The following ADCY9 variants were observed in gnomAD, a reference collection of about 807,000 sequenced individuals.
The protein encoded by ADCY9 is adenylate cyclase 9.
In ADCY9, 50 loss-of-function variants were observed where a neutral mutation model predicts 101.5. That is an observed-to-expected ratio of 0.49 (90% CI 0.39 to 0.62). The LOEUF (loss-of-function observed/expected upper bound fraction) is 0.62, where lower values mean the gene tolerates loss of function less well. ADCY9 is among the 20% of genes least tolerant of loss of function. The probability of loss-of-function intolerance (pLI) is 0.00; values close to 1 mark genes in which losing one functional copy is unlikely to be tolerated. For missense variants in ADCY9, 1,662 were observed against 1,800.4 expected (o/e 0.92, Z 1.39); for synonymous variants, 905 against 769.3 (o/e 1.18, Z -2.92).
At chr16:4,100,524 T>A (rs1043312227) in intron 2 of ADCY9, among the ~76,000 whole-genome samples, 8 of 151,214 alleles carry the variant, frequency 5.3e-5, no homozygotes, top group African/African-American at 1.9e-4. Context: ...AGACACGGGG[T>A]TTTGCCATGT....
chr16:3,956,017 C>T (rs528319762), intron 5 of ADCY9, among the ~76,000 whole-genome samples: 2 of 152,192 alleles, frequency 1.3e-5, no homozygotes, highest in African/African-American at 2.4e-5. Context: ...TGTACACCAC[C>T]GTGCCTGGCT....
chr16:4,017,643 C>CA (rs60693958), intron 2 of ADCY9, among the ~76,000 whole-genome samples: 18,787 of 86,998 alleles, frequency 0.22, 1,751 homozygotes, highest in African/African-American at 0.32. Context: ...AACTCCTTCT[C>CA]AAAAAAAAAA....
intron 2 of ADCY9, among the ~76,000 whole-genome samples, chr16:4,091,428 C>A (rs1377338221): frequency 6.6e-6 from 1 of 152,204 alleles, no homozygotes; most frequent in Non-Finnish European, 1.5e-5. Flanking sequence ...AACAGAGTTA[C>A]CGCGTGACCC....
chr16:4,058,872 G>A (rs2056757307), intron 2 of ADCY9, among the ~76,000 whole-genome samples: 1 of 152,106 alleles, frequency 6.6e-6, no homozygotes, highest in South Asian at 2.1e-4. Flanking sequence ...GGAAGTCTCT[G>A]AATTAGAAAC....
chr16:4,098,236 T>G (rs1473070105), intron 2 of ADCY9, among the ~76,000 whole-genome samples: 1 of 151,712 alleles, frequency 6.6e-6, no homozygotes, highest in African/African-American at 2.4e-5. Context: ...TTTGTTTTGT[T>G]TTTGTTTTTG....
intron 2 of ADCY9, among the ~76,000 whole-genome samples, chr16:4,099,625 C>T (rs528792491): frequency 4.6e-5 from 7 of 152,330 alleles, no homozygotes; most frequent in African/African-American, 1.2e-4. Flanking sequence ...CTTAAAGGGG[C>T]TCCCATGGGC....
intron 2 of ADCY9, among the ~76,000 whole-genome samples, chr16:4,014,796 TC>T (rs1228121438): frequency 7.3e-6 from 1 of 137,136 alleles, no homozygotes; most frequent in Non-Finnish European, 1.6e-5. Context: ...TCTCTCTCCC[TC>T]CCGCTTCCCC....
intron 10 of ADCY9, 150 bp downstream of exon 10, chr16:3,974,519 A>G (rs1480834068): frequency 3.3e-6 from 2 of 601,886 alleles, no homozygotes; most frequent in Non-Finnish European, 6.0e-6. Flanking sequence ...GATACAGTTC[A>G]ACGAGGAGAT....
chr16:4,058,050 T>G (rs903598058), intron 2 of ADCY9, among the ~76,000 whole-genome samples: 7 of 151,140 alleles, frequency 4.6e-5, no homozygotes, highest in African/African-American at 1.7e-4. Flanking sequence ...TCCCAGCTAC[T>G]TGGGAGGTCG....
At chr16:4,104,313 T>C (rs2057062356) in intron 2 of ADCY9, among the ~76,000 whole-genome samples, 1 of 152,142 alleles carries the variant, frequency 6.6e-6, no homozygotes, top group Non-Finnish European at 1.5e-5. Context: ...GAGACCAATA[T>C]TTTCCAAATG....
At chr16:4,106,936 G>C (rs755451583) in intron 2 of ADCY9, among the ~76,000 whole-genome samples, 1 of 152,148 alleles carries the variant, frequency 6.6e-6, no homozygotes, top group Non-Finnish European at 1.5e-5. Context: ...CCCTTCCTTA[G>C]GCATTCTACC....
At chr16:4,072,359 C>T (rs1218440213) in intron 2 of ADCY9, among the ~76,000 whole-genome samples, 1 of 152,228 alleles carries the variant, frequency 6.6e-6, no homozygotes, top group Non-Finnish European at 1.5e-5. Flanking sequence ...AGCTTATGCG[C>T]TGTTCCTCGT....
At chr16:3,979,811 G>A (rs2056125610) in intron 7 of ADCY9, among the ~76,000 whole-genome samples, 1 of 152,274 alleles carries the variant, frequency 6.6e-6, no homozygotes, top group Admixed American at 6.5e-5. Context: ...CCACACAGCA[G>A]CCAAGCCCCT....
At chr16:4,063,269 G>C (rs1254827344) in intron 2 of ADCY9, among the ~76,000 whole-genome samples, 1 of 151,956 alleles carries the variant, frequency 6.6e-6, no homozygotes, top group Non-Finnish European at 1.5e-5. Context: ...GAAATCACAA[G>C]GGAAGTTTAA....
At chr16:4,041,147 G>A (rs1341934202) in intron 2 of ADCY9, among the ~76,000 whole-genome samples, 2 of 152,146 alleles carry the variant, frequency 1.3e-5, no homozygotes, top group African/African-American at 4.8e-5. Flanking sequence ...TAGAAATAGA[G>A]CAAGGAAGCC....
At chr16:4,024,674 C>G (rs1356782564) in intron 2 of ADCY9, among the ~76,000 whole-genome samples, 4 of 152,092 alleles carry the variant, frequency 2.6e-5, no homozygotes, top group Non-Finnish European at 5.9e-5. Context: ...CAGGCAAAAG[C>G]TGGAGTGGCC....
chr16:4,112,126 G>C (rs1440697098), intron 2 of ADCY9, among the ~76,000 whole-genome samples: 1 of 152,110 alleles, frequency 6.6e-6, no homozygotes, highest in Non-Finnish European at 1.5e-5. Context: ...ACAACACCTG[G>C]GCCCTAAAAA....
intron 2 of ADCY9, among the ~76,000 whole-genome samples, chr16:4,037,090 A>T (rs530418454): frequency 6.6e-6 from 1 of 152,172 alleles, no homozygotes; most frequent in South Asian, 2.1e-4. Context: ...CCAAGGTGGG[A>T]CAATCGCTTG....
In ADCY9 at chr16:4,081,259, T is replaced by G. The variant is rs573669995; in HGVS notation, c.1693+32491A>C. Among the ~76,000 whole-genome samples the G allele has an allele frequency of 6.0e-4, 92 of 152,274 alleles. 1 individual carries two copies. The highest frequency in any genetic ancestry group is 1.2e-3 in the Admixed American group (19 of 15,302). On this transcript the variant is annotated intron_variant, in intron 2 of 10. Coordinates refer to ENST00000294016, the MANE Select transcript of ADCY9 (RefSeq NM_001116.4). The stretch of plus-strand genomic sequence containing the variant: ...GCGGCACCTGGGAATTCTAGTCACT[T>G]AACAGCAGGGAGAAGGTTGCACGTT...
Sources: gnomAD v4.1 joint callset for allele counts (sites outside exome capture counted in the v4.1 genomes callset) on GRCh38, gnomAD v4.1.1 for gene constraint, MANE v1.5 for transcripts, NCBI Gene and HGNC (gene_info 2026-07-23, HGNC 2026-07-21) for gene names.